FANK1: variants seen among roughly 807,000 people sequenced by gnomAD.
FANK1 encodes fibronectin type III and ankyrin repeat domains 1.
Under a neutral mutation model 45.3 loss-of-function variants are expected in FANK1, and 44 were observed. That is an observed-to-expected ratio of 0.97 (90% CI 0.76 to 1.25). The LOEUF is 1.25. Ranked by LOEUF, FANK1 falls within the 50% of genes most tolerant of loss-of-function variation. The pLI, the probability that FANK1 is intolerant of heterozygous loss-of-function variation, is 0.00. For synonymous variants in FANK1, 149 were observed against 152.5 expected, an observed-to-expected ratio of 0.98 and a Z score of 0.17; for missense variants, 391 against 424.4, an observed-to-expected ratio of 0.92 and a Z score of 0.69.
chr10:125,918,741 G>A (rs2134126286), intron 1 of FANK1, among the ~76,000 whole-genome samples: 1 of 151,166 alleles, frequency 6.6e-6, no homozygotes, highest in East Asian at 1.9e-4. Context: ...TATTATTCCT[G>A]GTTCACAGAT....
At chr10:125,971,948 C>T (rs1022025888) in intron 1 of FANK1, among the ~76,000 whole-genome samples, 1 of 152,072 alleles carries the variant, frequency 6.6e-6, no homozygotes, top group African/African-American at 2.4e-5. Context: ...CATTTTATAT[C>T]TCTACTCTTA....
At chr10:125,941,755 AACATG>A (rs1405983907) in intron 1 of FANK1, among the ~76,000 whole-genome samples, 1 of 152,262 alleles carries the variant, frequency 6.6e-6, no homozygotes, top group Non-Finnish European at 1.5e-5. Flanking sequence ...ATATCCCAGT[AACATG>A]ACATTTAATA....
Position 126,009,276 on chromosome 10 carries a change from C to G in FANK1, c.972+10C>G. On this transcript the variant is annotated intron_variant, in intron 10 of 10. Coordinates refer to ENST00000368693, the MANE Select transcript of FANK1 (RefSeq NM_145235.5). ...AGTTTTTGACAGACAGGTTGGGATGCTCTTTCTGCCTATCAAGGCTAATTT... is the reference window on the plus strand; with the variant it reads ...AGTTTTTGACAGACAGGTTGGGATGGTCTTTCTGCCTATCAAGGCTAATTT... 6.2e-7 allele frequency: 1 copy of G among 1,614,182 alleles called. No individual in the cohort carries two copies. Among genetic ancestry groups the G allele is most frequent in the African/African-American group, 1.3e-5 (1 of 75,036 alleles).
At chr10:125,974,945 A>G (rs747488420) in intron 1 of FANK1, 2 of 152,082 alleles carry the variant, frequency 1.3e-5, no homozygotes, top group African/African-American at 2.4e-5. Flanking sequence ...ATAGTATTAC[A>G]TCACCCAGGT....
intron 1 of FANK1, among the ~76,000 whole-genome samples, chr10:125,939,651 C>A (rs1381843479): frequency 2.0e-5 from 3 of 152,050 alleles, no homozygotes; most frequent in African/African-American, 7.2e-5. Flanking sequence ...TACTAATTTA[C>A]CATTTTGTCA....
At chr10:125,904,972 CA>C (rs903547693) in intron 1 of FANK1, among the ~76,000 whole-genome samples, 21 of 148,174 alleles carry the variant, frequency 1.4e-4, no homozygotes, top group East Asian at 9.9e-4. Flanking sequence ...AAAAATACAA[CA>C]AAAAAAAATT....
At position 125,918,556 on chromosome 10, in the gene FANK1, C is replaced by CAAAAAAAAAAAAAAAAAAAAAAAAAAA. The variant is rs1156446362; in HGVS notation, c.13+21905_13+21931dup. On this transcript the variant is annotated intron_variant, in intron 1 of 10. Transcript: ENST00000368693. Reference sequence around the variant, plus strand: ...CTGGTGACAGAGCAAGCCTCTGTCTCAAAAAAAAAAAAAAAAAAAAAAAAA... The same window carrying CAAAAAAAAAAAAAAAAAAAAAAAAAAA: ...CTGGTGACAGAGCAAGCCTCTGTCTCAAAAAAAAAAAAAAAAAAAAAAAAAAAAAAAAAAAAAAAAAAAAAAAAAAAA... 2.8e-4 allele frequency among the ~76,000 whole-genome samples: 2 copies of CAAAAAAAAAAAAAAAAAAAAAAAAAAA among 7,104 alleles called. 1 individual carries two copies. Among genetic ancestry groups the CAAAAAAAAAAAAAAAAAAAAAAAAAAA allele is most frequent in the Non-Finnish European group, 6.0e-4 (2 of 3,324 alleles). 4.7% of individuals were successfully genotyped at this position (7,104 alleles called of 152,430 possible). A position where few individuals can be genotyped will look rare whatever the true frequency, so the allele number is the denominator to read the frequency against.
chr10:125,972,451 T>C (rs1051062800), intron 1 of FANK1: 4 of 152,192 alleles, frequency 2.6e-5, no homozygotes, highest in African/African-American at 9.6e-5. Context: ...AGAAAGTATA[T>C]GGGTTAATAT....
chr10:125,915,180 T>C (rs183664668), intron 1 of FANK1, among the ~76,000 whole-genome samples: 1 of 152,328 alleles, frequency 6.6e-6, no homozygotes, highest in African/African-American at 2.4e-5. Flanking sequence ...GGCCACACTT[T>C]GAGAAGCATG....
At chr10:125,965,420 T>G (rs1440742797) in intron 1 of FANK1, among the ~76,000 whole-genome samples, 1 of 152,240 alleles carries the variant, frequency 6.6e-6, no homozygotes, top group African/African-American at 2.4e-5. Flanking sequence ...AAAGAATATA[T>G]ATATAACAAT....
intron 1 of FANK1, among the ~76,000 whole-genome samples, chr10:125,917,787 C>T (rs2134124125): frequency 6.6e-6 from 1 of 152,430 alleles, no homozygotes; most frequent in South Asian, 2.1e-4. Flanking sequence ...TTCACAGAAA[C>T]AAAGTAGAAT....
At chr10:125,968,696 G>T (rs912328538) in intron 1 of FANK1, among the ~76,000 whole-genome samples, 1 of 151,916 alleles carries the variant, frequency 6.6e-6, no homozygotes, top group Admixed American at 6.6e-5. Flanking sequence ...TTACTAATTT[G>T]TTTTTTGAGT....
chr10:125,916,256 C>G (rs555191375), intron 1 of FANK1, among the ~76,000 whole-genome samples: 6 of 151,924 alleles, frequency 3.9e-5, no homozygotes, highest in Admixed American at 3.9e-4. Flanking sequence ...AGGATGGTCT[C>G]GATCTCTTGA....
At chr10:126,009,029 C>G in intron 8 of FANK1, 25 bp from the exon 9 acceptor site, 1 of 1,611,456 alleles carries the variant, frequency 6.2e-7, no homozygotes, top group South Asian at 1.1e-5. Flanking sequence ...AGCTCATGCA[C>G]ACCACCCTGG....
intron 6 of FANK1, among the ~76,000 whole-genome samples, chr10:125,999,890 C>T (rs945071006): frequency 6.6e-6 from 1 of 152,042 alleles, no homozygotes; most frequent in African/African-American, 2.4e-5. Flanking sequence ...AAGATGTGAA[C>T]TGAGATAAGA....
chr10:125,925,016 C>T (rs1169593671), intron 1 of FANK1, among the ~76,000 whole-genome samples: 2 of 137,382 alleles, frequency 1.5e-5, no homozygotes, highest in African/African-American at 5.5e-5. Flanking sequence ...TGTTACTTAA[C>T]ACTCGTCTAT....
intron 1 of FANK1, among the ~76,000 whole-genome samples, chr10:125,918,572 AAAAAAAAAAAAAAAT>A (rs1184290266): frequency 7.8e-6 from 1 of 127,628 alleles, no homozygotes; most frequent in Non-Finnish European, 1.6e-5. Context: ...AAAAAAAAAA[AAAAAAAAAAAAAAAT>A]ATATATATAT....
chr10:125,967,101 C>T (rs1315489328), intron 1 of FANK1, among the ~76,000 whole-genome samples: 3 of 152,112 alleles, frequency 2.0e-5, no homozygotes, highest in Non-Finnish European at 4.4e-5. Context: ...ATTCCATGTT[C>T]TTGGACATTT....
intron 1 of FANK1, among the ~76,000 whole-genome samples, chr10:125,931,185 A>C (rs1349079597): frequency 6.6e-6 from 1 of 152,226 alleles, no homozygotes; most frequent in Non-Finnish European, 1.5e-5. Context: ...ATGCATGTGC[A>C]AGTATCTTTT....
Sources: gnomAD v4.1 joint callset for allele counts (sites outside exome capture counted in the v4.1 genomes callset) on GRCh38, gnomAD v4.1.1 for gene constraint, MANE v1.5 for transcripts, NCBI Gene and HGNC (gene_info 2026-07-23, HGNC 2026-07-21) for gene names.